TFIP11: variants seen among roughly 807,000 people sequenced by gnomAD.
TFIP11 encodes tuftelin-interacting protein 11.
A neutral mutation model predicts 96.8 loss-of-function variants in TFIP11; 86 were observed. The observed-to-expected ratio is 0.89, with a 90% CI of 0.75 to 1.06. The LOEUF is 1.06. Ranked by LOEUF, TFIP11 falls within the 50% of genes least tolerant of loss-of-function variation. The pLI is 0.00. For missense variants in TFIP11, 881 were observed against 1,076.7 expected (o/e 0.82, Z 2.54); for synonymous variants, 405 against 395.2 (o/e 1.02, Z -0.29).
chr22:26,495,098 A>G (rs1471089476), intron 12 of TFIP11, among the ~76,000 whole-genome samples, 159 bp from the exon 13 acceptor site: 1 of 152,128 alleles, frequency 6.6e-6, no homozygotes, highest in Non-Finnish European at 1.5e-5. Context: ...AGTAGCTGGG[A>G]GTACAGGTGT....
intron 2 of TFIP11, 124 bp downstream of exon 2, chr22:26,511,975 G>GTACTACTACTAC (rs1602233461): frequency 6.6e-6 from 1 of 152,310 alleles, no homozygotes; most frequent in East Asian, 1.9e-4. Flanking sequence ...TAGATGCTAG[G>GTACTACTACTAC]TACATGCTGG....
At chr22:26,502,789 G>A (rs1602216765) in intron 7 of TFIP11, among the ~76,000 whole-genome samples, 2 of 152,256 alleles carry the variant, frequency 1.3e-5, no homozygotes, top group East Asian at 3.9e-4. Context: ...ATCACCTAGA[G>A]CTGAATAAAG....
rs947715761 is a variant in TFIP11, at chr22:26,501,913, A to C, written c.788T>G (p.Leu263Arg). 6.2e-6 allele frequency: 10 copies of C among 1,613,224 alleles called. No individual in the cohort carries two copies. Among genetic ancestry groups the C allele is most frequent in the Non-Finnish European group, 6.8e-6 (8 of 1,179,714 alleles). The change falls in exon 8 of 15, where the codon CTT (leucine) becomes CGT (arginine). Residue 263 changes from leucine (L) to arginine (R), a missense_variant. Leu to Arg is a moderately radical substitution (Grantham distance 102, BLOSUM62 -2). Transcript: ENST00000407690. ...SKKLTAPQKELSQVKVIDMTG... is the reference protein window; with the variant it reads ...SKKLTAPQKERSQVKVIDMTG... ...GGGCCCCTGTACCTTGACTTGAGAA[A>C]GTTCCTTCTGGGGAGCAGTGAGCTT...
intron 8 of TFIP11, 86 bp downstream of exon 8, chr22:26,501,814 C>CAAAAA: frequency 2.9e-6 from 2 of 695,466 alleles, no homozygotes; most frequent in Non-Finnish European, 4.2e-6. Context: ...AAAAGCCTAG[C>CAAAAA]TAAAAGATCC....
At chr22:26,494,084 T>A in intron 14 of TFIP11, 55 bp downstream of exon 14, 2 of 1,592,224 alleles carry the variant, frequency 1.3e-6, no homozygotes, top group Admixed American at 3.4e-5. Flanking sequence ...GTCATTTACA[T>A]GTGTAAAATC....
At position 26,499,005 on chromosome 22, in the gene TFIP11, A is replaced by G. The variant is rs746944952; in HGVS notation, c.1330-30T>C. ...GGAGAAAGGTGAGCAGTTGAGGGGC[A>G]GCGGGCTCTCCAGCCCTCCCTGCCC... On this transcript the variant is annotated intron_variant, in intron 9 of 14. Transcript: ENST00000407690. 12 of 1,612,464 alleles carry G rather than the reference A, an allele frequency of 7.4e-6. No individual in the cohort carries two copies. In the South Asian group the frequency reaches 1.2e-4, roughly 16 times the overall value.
chr22:26,499,146 A>G lies in TFIP11; in HGVS notation c.1287T>C (p.Tyr429=). The G allele has an allele frequency of 6.3e-7, 1 of 1,597,834 alleles. No homozygotes were observed. The highest frequency in any genetic ancestry group is 1.7e-4 in the Middle Eastern group (1 of 5,984). ...DRVDLAVAIV[Y]PLMKEYFKEW... is the part of the protein sequence containing the mutation. ...CCTTGAAGTACTCCTTCATGAGTGGATAGACGATGGCCACAGCAAGGTCCA... is the reference window on the plus strand; with the variant it reads ...CCTTGAAGTACTCCTTCATGAGTGGGTAGACGATGGCCACAGCAAGGTCCA... Residue 429 remains tyrosine (Y), a synonymous_variant, in exon 9 of 15, where the codon TAT becomes TAC. Transcript: ENST00000407690.
chr22:26,492,162 T>C lies in TFIP11; in HGVS notation c.2365A>G (p.Met789Val). The C allele has an allele frequency of 6.2e-7, 1 of 1,614,220 alleles. No individual in the cohort carries two copies. The highest frequency in any genetic ancestry group is 8.5e-7 in the Non-Finnish European group (1 of 1,180,038). The change falls in exon 15 of 15, where the codon ATG becomes GTG. Residue 789 changes from methionine to valine, a missense_variant. Physicochemically the swap from Met to Val is conservative, Grantham distance 21 (BLOSUM62 1). Transcript: ENST00000407690. ...TCGTGTCGCTTCCCAATGACGGGCATGAAGACAATGTTGTGCTCCTCAGCC... is the reference window on the plus strand; with the variant it reads ...TCGTGTCGCTTCCCAATGACGGGCACGAAGACAATGTTGTGCTCCTCAGCC... ...TKAEEHNIVF[M>V]PVIGKRHEGK...
chr22:26,502,106 A>G lies in TFIP11; in HGVS notation c.649-54T>C, dbSNP rs753542980. ...GCAAGGAACAACCACTTTTTACCAC[A>G]GGTGAGGTAGCTGAGACCATTAGCA... On this transcript the variant is annotated intron_variant, in intron 7 of 14. Coordinates refer to ENST00000407690, the MANE Select transcript of TFIP11 (RefSeq NM_012143.4). The G allele has an allele frequency of 2.5e-6, 4 of 1,609,322 alleles. No homozygotes were observed. In the East Asian group the frequency reaches 6.7e-5, roughly 27 times the overall value.
rs771104140 is a variant in TFIP11 at position 26,496,095 on chromosome 22, G to T, written c.1827C>A (p.Val609=). Residue 609 remains valine (V), a synonymous_variant, in exon 12 of 15, where the codon GTC becomes GTA. Transcript: ENST00000407690. The part of the protein sequence containing the change: ...FTPGSWEAFM[V]KNIVPKLGMC... ...TACCCAGCTTGGGCACTATGTTTTTGACCATGAATGCTTCCCAGGAGCCAG... is the reference window on the plus strand; with the variant it reads ...TACCCAGCTTGGGCACTATGTTTTTTACCATGAATGCTTCCCAGGAGCCAG... The T allele has an allele frequency of 6.2e-7, 1 of 1,613,718 alleles. No individual in the cohort carries two copies. The highest frequency in any genetic ancestry group is 8.5e-7 in the Non-Finnish European group (1 of 1,179,996).
At chr22:26,496,639 C>A (rs933209690) in intron 11 of TFIP11, 82 bp downstream of exon 11, 697 of 1,509,868 alleles carry the variant, frequency 4.6e-4, no homozygotes, top group Non-Finnish European at 5.9e-4. Flanking sequence ...GGCGTTTTAA[C>A]AGCACTGAGA....
rs1486550770 is a variant in TFIP11, at chr22:26,496,879, C to A, written c.1447G>T (p.Glu483Ter). ...TTTCGAACAAAAGGCATCCAGACTTCCCATATCAACCTATGGGAGAAAGGC... is the reference window on the plus strand; with the variant it reads ...TTTCGAACAAAAGGCATCCAGACTTACCATATCAACCTATGGGAGAAAGGC... ...SADAFHRLIW[E>*]VWMPFVRNIV... Residue 483 changes from glutamate (E) to a stop codon, truncating the protein, a stop_gained, in exon 11 of 15, where the codon GAA becomes TAA. Transcript: ENST00000407690. LOFTEE classifies it high-confidence loss of function. 6.2e-7 allele frequency: 1 copy of A among 1,613,960 alleles called. No homozygotes were observed.
At chr22:26,499,073 C>T (rs1162699746) in intron 9 of TFIP11, 31 bp downstream of exon 9, 3 of 1,597,580 alleles carry the variant, frequency 1.9e-6, no homozygotes, top group East Asian at 2.2e-5. Flanking sequence ...AACCGAGAGG[C>T]AGGGATAGGT....
intron 7 of TFIP11, 51 bp from the exon 8 acceptor site, chr22:26,502,103 C>A (rs755781573): frequency 5.0e-5 from 81 of 1,611,294 alleles, no homozygotes; most frequent in Non-Finnish European, 6.6e-5. Context: ...CACTTTTTAC[C>A]ACAGGTGAGG....
In TFIP11 at chr22:26,494,286, T is replaced by C. The variant is rs375290632; in HGVS notation, c.2011A>G (p.Ser671Gly). 1.9e-6 allele frequency: 3 copies of C among 1,614,124 alleles called. No individual in the cohort carries two copies. The highest frequency in any genetic ancestry group is 1.3e-5 in the African/African-American group (1 of 74,942). The change falls in exon 14 of 15, where the codon AGT becomes GGT. Residue 671 changes from serine (S) to glycine (G), a missense_variant. By Grantham distance (56) the Ser-to-Gly change is moderately conservative. Transcript: ENST00000407690. ...KWLQVLCSWL[S>G]NSPNYEEITK... ...ATCTCCTCATAATTTGGGCTGTTAC[T>C]GAGCCAAGAGCACAGCACCTGCCAA...
rs764560660 is a variant in TFIP11 at position 26,494,962 on chromosome 22, A to G, written c.1850-23T>C. The G allele has an allele frequency of 3.1e-6, 5 of 1,613,970 alleles. No individual in the cohort carries two copies. In the East Asian group the frequency reaches 1.1e-4, roughly 36 times the overall value. Reference sequence around the variant, plus strand: ...TCCCTGGAAGAGAAACCCGGTCTGTAAGGCACAGCTTTAGTACTGGCAAAG... The same window carrying G: ...TCCCTGGAAGAGAAACCCGGTCTGTGAGGCACAGCTTTAGTACTGGCAAAG... On this transcript the variant is annotated intron_variant, in intron 12 of 14. Coordinates refer to ENST00000407690, the MANE Select transcript of TFIP11 (RefSeq NM_012143.4).
At position 26,492,337 on chromosome 22, in the gene TFIP11, G is replaced by A; in HGVS notation, c.2190C>T (p.Asn730=). 1 of 1,614,186 alleles carries A rather than the reference G, an allele frequency of 6.2e-7. No homozygotes were observed. Among genetic ancestry groups the A allele is most frequent in the Non-Finnish European group, 8.5e-7 (1 of 1,180,026 alleles). ...GCTCCGTGTGGGTGAGATAGGCAAT[G>A]TTCTCCCGTGCTCCTGGCTGCATGT... ...GAYMQPGARE[N]IAYLTHTERR... Residue 730 remains asparagine (N), a synonymous_variant, in exon 15 of 15, where the codon AAC becomes AAT. Coordinates refer to ENST00000407690, the MANE Select transcript of TFIP11 (RefSeq NM_012143.4).
intron 10 of TFIP11, chr22:26,498,668 C>T: frequency 1.9e-6 from 1 of 536,736 alleles, no homozygotes; most frequent in South Asian, 2.5e-5. Context: ...ACCTGTTCCC[C>T]AAACCCTATG....
rs771993372 is a variant in TFIP11 at position 26,506,296 on chromosome 22, G to A, written c.520+7C>T. On this transcript the variant is annotated splice_region_variant and intron_variant, in intron 6 of 14. Coordinates refer to ENST00000407690, the MANE Select transcript of TFIP11 (RefSeq NM_012143.4). ...CTCCATCATGCAAGACGACAAAGGT[G>A]CAATACCTTGTGCATTCTTCCCGAG... 8 of 1,600,506 alleles carry A rather than the reference G, an allele frequency of 5.0e-6. No individual in the cohort carries two copies. In the East Asian group the frequency reaches 8.9e-5, roughly 18 times the overall value.
Sources: gnomAD v4.1 joint callset for allele counts (sites outside exome capture counted in the v4.1 genomes callset) on GRCh38, gnomAD v4.1.1 for gene constraint, MANE v1.5 for transcripts, NCBI Gene and HGNC (gene_info 2026-07-23, HGNC 2026-07-21) for gene names.